ATL2: variants seen among roughly 807,000 people sequenced by gnomAD.
ATL2 encodes the protein atlastin-2.
ATL2 carries 31 observed loss-of-function variants against 73.9 expected under a neutral mutation model. The ratio of observed to expected loss-of-function variants is 0.42; its 90% CI spans 0.32 to 0.57. The LOEUF (loss-of-function observed/expected upper bound fraction) is 0.57, where lower values mean the gene tolerates loss of function less well. Ranked by LOEUF, ATL2 falls within the 20% of genes least tolerant of loss-of-function variation. ATL2 has a pLI of 0.14. For synonymous variants in ATL2, 291 were observed against 237.5 expected (o/e 1.23, Z -2.07); for missense variants, 738 against 702.6 (o/e 1.05, Z -0.57).
chr2:38,333,567 C>G (rs116204658), intron 2 of ATL2, among the ~76,000 whole-genome samples: 1,668 of 152,160 alleles, frequency 0.011, 20 homozygotes, highest in South Asian at 0.032. Flanking sequence ...ACTTTAGAAA[C>G]AGTTAATGTA....
chr2:38,347,786 TTA>T (rs1397446384), intron 1 of ATL2, among the ~76,000 whole-genome samples: 49 of 141,308 alleles, frequency 3.5e-4, no homozygotes, highest in African/African-American at 1.2e-3. Flanking sequence ...TTTTTTTTTT[TTA>T]AGGCAGAGCG....
At chr2:38,317,163 T>C (rs1573464362) in intron 4 of ATL2, among the ~76,000 whole-genome samples, 1 of 151,948 alleles carries the variant, frequency 6.6e-6, no homozygotes, top group African/African-American at 2.4e-5. Context: ...CATAAAAAAA[T>C]CCAAGACACT....
chr2:38,299,734 T>C (rs1044444804), intron 10 of ATL2, among the ~76,000 whole-genome samples: 2 of 152,210 alleles, frequency 1.3e-5, no homozygotes, highest in Admixed American at 1.3e-4. Flanking sequence ...CGAAGTTTTA[T>C]CGGCAAATAC....
intron 1 of ATL2, among the ~76,000 whole-genome samples, chr2:38,348,330 G>C (rs1298303312): frequency 1.3e-5 from 2 of 151,910 alleles, no homozygotes; most frequent in African/African-American, 2.4e-5. Context: ...GCCAGGAGTG[G>C]TGTTGCTTGC....
At chr2:38,334,176 C>G (rs867495422) in intron 2 of ATL2, among the ~76,000 whole-genome samples, 5 of 151,570 alleles carry the variant, frequency 3.3e-5, no homozygotes, top group African/African-American at 9.7e-5. Flanking sequence ...ATTACAGGCA[C>G]CTGCCACCAC....
rs76412823 is a variant in ATL2, at chr2:38,335,645, C to G, written c.363+7623G>C. On this transcript the variant is annotated intron_variant, in intron 2 of 12. Transcript: ENST00000378954. ...CCTCCTAGAATGCAGGAAATGCTGT[C>G]TTGTTCTGAGAGACAGTGGTTACTA... Among the ~76,000 whole-genome samples the G allele has an allele frequency of 6.9e-3, 1,046 of 151,948 alleles. 13 individuals carry two copies. The highest frequency in any genetic ancestry group is 0.057 in the East Asian group (297 of 5,196).
rs996535040 is a variant in ATL2, at chr2:38,294,026, T to TA, written c.*1967dup. Reference sequence around the variant, plus strand: ...ATACAACAAATTATTTTTTCATTCATAAAAAACAGTCCACAGCATTCATAA... The same window carrying TA: ...ATACAACAAATTATTTTTTCATTCATAAAAAAACAGTCCACAGCATTCATAA... On this transcript the variant is annotated 3_prime_UTR_variant, in exon 13 of 13. Coordinates refer to ENST00000378954, the MANE Select transcript of ATL2 (RefSeq NM_001135673.4). 6.6e-6 allele frequency among the ~76,000 whole-genome samples: 1 copy of TA among 152,166 alleles called. No individual in the cohort carries two copies. The highest frequency in any genetic ancestry group is 2.4e-5 in the African/African-American group (1 of 41,434).
At chr2:38,366,470 A>T (rs1162697046) in intron 1 of ATL2, among the ~76,000 whole-genome samples, 1 of 152,188 alleles carries the variant, frequency 6.6e-6, no homozygotes, top group African/African-American at 2.4e-5. Context: ...CTCAGAAATC[A>T]GGGTCAAATG....
chr2:38,370,537 A>G (rs1280187603), intron 1 of ATL2, among the ~76,000 whole-genome samples: 2 of 150,604 alleles, frequency 1.3e-5, no homozygotes, highest in Non-Finnish European at 3.0e-5. Context: ...TTGGGAGCCC[A>G]AGGCGGGCGG....
chr2:38,347,470 T>G (rs1670089077), intron 1 of ATL2, among the ~76,000 whole-genome samples: 1 of 152,224 alleles, frequency 6.6e-6, no homozygotes, highest in South Asian at 2.1e-4. Context: ...TGGCCCTCCC[T>G]GACCACTCAA....
chr2:38,323,943 C>A (rs1176003240), intron 2 of ATL2, among the ~76,000 whole-genome samples: 2 of 152,178 alleles, frequency 1.3e-5, no homozygotes, highest in East Asian at 3.9e-4. Flanking sequence ...AGCCATAAAT[C>A]ATCACAACTG....
chr2:38,362,445 C>T (rs1676389990), intron 1 of ATL2, among the ~76,000 whole-genome samples: 1 of 152,162 alleles, frequency 6.6e-6, no homozygotes, highest in Non-Finnish European at 1.5e-5. Context: ...AACAGTGAGT[C>T]TCACACCCAC....
At chr2:38,299,470 G>C (rs1246482992) in intron 10 of ATL2, 143 bp from the exon 11 acceptor site, 3 of 819,390 alleles carry the variant, frequency 3.7e-6, no homozygotes, top group Non-Finnish European at 5.2e-6. Flanking sequence ...CCTATGCAAG[G>C]GAACGTTGGT....
chr2:38,376,196 G>T, intron 1 of ATL2: 2 of 1,516,598 alleles, frequency 1.3e-6, no homozygotes, highest in Non-Finnish European at 8.9e-7. Flanking sequence ...TTTCAATCAG[G>T]ATTTCATGCG....
chr2:38,338,799 G>A (rs1470164745), intron 2 of ATL2, among the ~76,000 whole-genome samples: 1 of 152,170 alleles, frequency 6.6e-6, no homozygotes, highest in East Asian at 1.9e-4. Flanking sequence ...GATACAATGT[G>A]ATGAGAAGGG....
intron 1 of ATL2, among the ~76,000 whole-genome samples, chr2:38,355,703 CTT>C (rs34580648): frequency 0.031 from 4,260 of 136,826 alleles, 95 homozygotes; most frequent in Non-Finnish European, 0.045. Flanking sequence ...TTGTTTGGTT[CTT>C]TTTTTTTTTT....
chr2:38,319,157 G>C, intron 2 of ATL2, 138 bp from the exon 3 acceptor site: 1 of 926,478 alleles, frequency 1.1e-6, no homozygotes, highest in East Asian at 2.4e-5. Flanking sequence ...CAAACAAGTA[G>C]TTACAAAGCA....
chr2:38,300,735 C>T (rs1190915801), intron 9 of ATL2, among the ~76,000 whole-genome samples: 2 of 152,040 alleles, frequency 1.3e-5, no homozygotes, highest in African/African-American at 2.4e-5. Context: ...ACTGCAACCT[C>T]GAATTCCTGG....
intron 9 of ATL2, among the ~76,000 whole-genome samples, chr2:38,302,918 A>G (rs1180765805): frequency 1.3e-5 from 2 of 152,188 alleles, no homozygotes; most frequent in Non-Finnish European, 2.9e-5. Context: ...CCAGACACCA[A>G]CAAATATTCA....
Sources: allele counts gnomAD v4.1 joint callset (sites outside exome capture counted in the v4.1 genomes callset), GRCh38; gene constraint gnomAD v4.1.1; transcripts MANE v1.5; gene names NCBI Gene and HGNC (gene_info 2026-07-23, HGNC 2026-07-21).